TLCD3B: variants seen among roughly 807,000 people sequenced by gnomAD.
The protein encoded by TLCD3B is TLC domain containing 3B.
A neutral mutation model predicts 23.0 loss-of-function variants in TLCD3B; 9 were observed. The observed-to-expected ratio is 0.39, with a 90% CI of 0.24 to 0.68. The LOEUF is 0.68. TLCD3B is among the 30% of genes least tolerant of loss of function. The pLI, the probability that TLCD3B is intolerant of heterozygous loss-of-function variation, is 0.44. For missense variants in TLCD3B, 307 were observed against 371.8 expected (o/e 0.83, Z 1.43); for synonymous variants, 161 against 161.0 (o/e 1.00, Z 0.00).
chr16:30,049,649 C>A (rs2071721789), intron 1 of TLCD3B, among the ~76,000 whole-genome samples: 1 of 152,128 alleles, frequency 6.6e-6, no homozygotes, highest in Non-Finnish European at 1.5e-5. Flanking sequence ...TCGGCACAGC[C>A]AGGCGCAGTA....
chr16:30,025,531 C>G lies in TLCD3B; in HGVS notation c.541-64G>C. ...GGCTCGGCCCCCCTTGGCCCTCTCCCTGCCTCCCTGCGACCCTAGCAGGCA... is the reference window on the plus strand; with the variant it reads ...GGCTCGGCCCCCCTTGGCCCTCTCCGTGCCTCCCTGCGACCCTAGCAGGCA... On this transcript the variant is annotated intron_variant, in intron 4 of 4. Transcript: ENST00000380495. The surrounding 1 kb of genome is among the most constrained non-coding windows in gnomAD (Gnocchi z 4.1). 1 of 1,591,732 alleles carries G rather than the reference C, an allele frequency of 6.3e-7. No homozygotes were observed. The highest frequency in any genetic ancestry group is 8.6e-7 in the Non-Finnish European group (1 of 1,165,822).
chr16:30,049,681 C>T (rs1426229770), intron 1 of TLCD3B, among the ~76,000 whole-genome samples: 1 of 152,138 alleles, frequency 6.6e-6, no homozygotes, highest in Non-Finnish European at 1.5e-5. Flanking sequence ...TAACCCAGCA[C>T]TTTGGGAGGC....
At position 30,029,934 on chromosome 16, in the gene TLCD3B, C is replaced by T. The variant is rs528344038; in HGVS notation, c.126-419G>A. The T allele has an allele frequency of 4.4e-5, 42 of 959,160 alleles. No individual in the cohort carries two copies. Among genetic ancestry groups the T allele is most frequent in the South Asian group, 4.1e-4 (30 of 72,338 alleles). 59.4% of individuals were successfully genotyped at this position (959,160 alleles called of 1,614,324 possible). On this transcript the variant is annotated intron_variant, in intron 1 of 4. Coordinates refer to ENST00000380495, the MANE Select transcript of TLCD3B (RefSeq NM_031478.6). The surrounding 1 kb of genome is among the most constrained non-coding windows in gnomAD (Gnocchi z 4.6). ...CCTCACTCTGGACCCTTTGTGACCCCGAGTTCCCCAGTCACTTTCCCACTG... is the reference window on the plus strand; with the variant it reads ...CCTCACTCTGGACCCTTTGTGACCCTGAGTTCCCCAGTCACTTTCCCACTG...
At chr16:30,027,809 G>C (rs968969871) in intron 2 of TLCD3B, 4 of 376,726 alleles carry the variant, frequency 1.1e-5, no homozygotes, top group Non-Finnish European at 2.1e-5. Context: ...AGAGAGGCAG[G>C]ACCTGGGGTG....
intron 2 of TLCD3B, among the ~76,000 whole-genome samples, chr16:30,041,818 C>T (rs576826594): frequency 1.3e-4 from 20 of 151,902 alleles, no homozygotes; most frequent in Non-Finnish European, 2.5e-4. Context: ...TGCACCCACA[C>T]GTTGAATGGA....
chr16:30,043,322 C>T (rs1192017223), intron 2 of TLCD3B, among the ~76,000 whole-genome samples: 3 of 152,098 alleles, frequency 2.0e-5, no homozygotes, highest in Non-Finnish European at 4.4e-5. Context: ...TTCCTGTGCT[C>T]AGGGGATCCT....
rs1018184417 is a variant in TLCD3B, at chr16:30,039,103, C to CTTTTTTTTTTTTTTT, written c.-67+1877_-67+1891dup. Among the ~76,000 whole-genome samples, 7 of 99,614 alleles carry CTTTTTTTTTTTTTTT rather than the reference C, an allele frequency of 7.0e-5. 2 individuals carry two copies. The highest frequency in any genetic ancestry group is 1.2e-4 in the African/African-American group (3 of 24,232). The allele number at this position is 99,614 out of a possible 152,430, so 65.4% of individuals were successfully genotyped here. On this transcript the variant is annotated intron_variant, in intron 3 of 6. Transcript: ENST00000561666. The stretch of plus-strand genomic sequence containing the variant: ...TTATCCTTCTCCTCCTCCTTCCTCT[C>CTTTTTTTTTTTTTTT]TTTTTTTTTTTTTTTTTTTTTTTTT...
At position 30,038,210 on chromosome 16, in the gene TLCD3B, G is replaced by A. The variant is rs1013738776; in HGVS notation, c.-66-1996C>T. On this transcript the variant is annotated intron_variant, in intron 3 of 6. Transcript: ENST00000561666. Reference sequence around the variant, plus strand: ...TGGGCCTCAATTTCTTCATCTGTGAGGTTGGGTTAATAATTAGTGTCACAT... The same window carrying A: ...TGGGCCTCAATTTCTTCATCTGTGAAGTTGGGTTAATAATTAGTGTCACAT... Among the ~76,000 whole-genome samples the A allele has an allele frequency of 2.0e-5, 3 of 152,142 alleles. No individual in the cohort carries two copies. The East Asian group carries it at 5.8e-4, about 29-fold the overall frequency.
Position 30,030,488 on chromosome 16 carries a change from C to T in TLCD3B, c.40G>A (p.Gly14Arg), listed in dbSNP as rs1567301791. 2 of 1,602,942 alleles carry T rather than the reference C, an allele frequency of 1.2e-6. No homozygotes were observed. The highest frequency in any genetic ancestry group is 2.3e-5 in the East Asian group (1 of 44,438). Residue 14 changes from glycine to arginine, a missense_variant, in exon 1 of 5, where the codon GGA becomes AGA. Coordinates refer to ENST00000380495, the MANE Select transcript of TLCD3B (RefSeq NM_031478.6). ...PMVAGGVVFP[G>R]LFLLSKNTLQ... Reference sequence around the variant, plus strand: ...GTGTTCTTGGAGAGGAGGAAGAGTCCGGGGAACACCACCCCCCCGGCCACC... The same window carrying T: ...GTGTTCTTGGAGAGGAGGAAGAGTCTGGGGAACACCACCCCCCCGGCCACC...
intron 2 of TLCD3B, among the ~76,000 whole-genome samples, chr16:30,045,708 TTGTG>T (rs1190471683): frequency 7.0e-6 from 1 of 143,038 alleles, no homozygotes; most frequent in Non-Finnish European, 1.5e-5. Context: ...TGTGTGTGTG[TTGTG>T]TGTGTTTGTG....
intron 2 of TLCD3B, among the ~76,000 whole-genome samples, chr16:30,045,092 CAAAAAAAAAAAAA>C (rs1162281544): frequency 2.7e-4 from 6 of 22,226 alleles, no homozygotes; most frequent in Non-Finnish European, 3.7e-4. Context: ...GACTCCATCT[CAAAAAAAAAAAAA>C]AAAAAAAAAA....
rs1294335614 is a variant in TLCD3B, at chr16:30,029,193, G to A, written c.209+239C>T. Among the ~76,000 whole-genome samples the A allele has an allele frequency of 1.3e-5, 2 of 152,170 alleles. No individual in the cohort carries two copies. The highest frequency in any genetic ancestry group is 4.8e-5 in the African/African-American group (2 of 41,434). ...GAGACCTGGAAGCCGACTAGAAAGC[G>A]CTTTGAGGATCCTCTCTGATCCCCG... is the stretch of plus-strand genomic sequence containing the variant. On this transcript the variant is annotated intron_variant, in intron 2 of 4. Coordinates refer to ENST00000380495, the MANE Select transcript of TLCD3B (RefSeq NM_031478.6). This position sits in a 1 kb window ranked among gnomAD's most constrained non-coding sequence, Gnocchi z 4.6.
intron 3 of TLCD3B, among the ~76,000 whole-genome samples, chr16:30,038,319 G>A (rs2071511180): frequency 6.6e-6 from 1 of 152,096 alleles, no homozygotes. Flanking sequence ...AAGTGTGGTG[G>A]TGCACACCTG....
Position 30,025,387 on chromosome 16 carries a change from G to C in TLCD3B, c.621C>G (p.Leu207=), listed in dbSNP as rs375702968. ...LLSFLCCRVL[L]FPYLYWAYGR... Reference sequence around the variant, plus strand: ...CGTAGGCCCAGTACAGGTAGGGAAAGAGCAGCACCCGGCAGCAGAGGAAGC... The same window carrying C: ...CGTAGGCCCAGTACAGGTAGGGAAACAGCAGCACCCGGCAGCAGAGGAAGC... Residue 207 remains leucine, a synonymous_variant, in exon 5 of 5, where the codon CTC becomes CTG. Transcript: ENST00000380495. The surrounding 1 kb of genome is among the most constrained non-coding windows in gnomAD (Gnocchi z 4.1). The C allele has an allele frequency of 8.7e-6, 14 of 1,610,442 alleles. No individual in the cohort carries two copies. The highest frequency in any genetic ancestry group is 1.1e-5 in the Non-Finnish European group (13 of 1,178,670).
At chr16:30,040,147 A>AAAATATATATAT in intron 3 of TLCD3B, among the ~76,000 whole-genome samples, 48 of 95,904 alleles carry the variant, frequency 5.0e-4, no homozygotes, top group South Asian at 2.4e-3. Context: ...AAAAAAAAAA[A>AAAATATATATAT]ATATATATAT....
Position 30,024,997 on chromosome 16 carries a change from G to C in TLCD3B, c.*186C>G. On this transcript the variant is annotated 3_prime_UTR_variant, in exon 5 of 5. Coordinates refer to ENST00000380495, the MANE Select transcript of TLCD3B (RefSeq NM_031478.6). The stretch of plus-strand genomic sequence containing the variant: ...GTGTGCAGGAAGGGGGCAGAGTAGG[G>C]GGAAGAGGTCCCCTCTCTCCACCCC... The C allele has an allele frequency of 1.9e-6, 1 of 533,544 alleles. No homozygotes were observed. Among genetic ancestry groups the C allele is most frequent in the Non-Finnish European group, 3.2e-6 (1 of 307,744 alleles). The allele number at this position is 533,544 out of a possible 1,614,324, so 33.1% of individuals were successfully genotyped here.
intron 3 of TLCD3B, among the ~76,000 whole-genome samples, chr16:30,026,363 C>T (rs752502150): frequency 7.9e-5 from 12 of 152,158 alleles, no homozygotes; most frequent in Admixed American, 5.2e-4. Flanking sequence ...GGCTCAGAGA[C>T]GTGCAACCAC....
Position 30,029,370 on chromosome 16 carries a change from C to G in TLCD3B, c.209+62G>C, listed in dbSNP as rs549182492. The G allele has an allele frequency of 4.8e-6, 7 of 1,469,604 alleles. No homozygotes were observed. The East Asian group carries it at 1.6e-4, about 34-fold the overall frequency. The allele number at this position is 1,469,604 out of a possible 1,614,324, so 91.0% of individuals were successfully genotyped here. A position where few individuals can be genotyped will look rare whatever the true frequency, so the allele number is the denominator to read the frequency against. ...GTTCCCTCCAAGATGTGGGGTCTTC[C>G]GGGATTACCCGTACACGCCAACCAC... is the stretch of plus-strand genomic sequence containing the variant. On this transcript the variant is annotated intron_variant, in intron 2 of 4. Coordinates refer to ENST00000380495, the MANE Select transcript of TLCD3B (RefSeq NM_031478.6). The surrounding 1 kb of genome is among the most constrained non-coding windows in gnomAD (Gnocchi z 4.6).
Position 30,029,300 on chromosome 16 carries a change from T to TA in TLCD3B, c.209+131dup, listed in dbSNP as rs2071279310. 2 of 743,676 alleles carry TA rather than the reference T, an allele frequency of 2.7e-6. No individual in the cohort carries two copies. The highest frequency in any genetic ancestry group is 3.5e-5 in the African/African-American group (2 of 57,704). The allele number at this position is 743,676 out of a possible 1,614,324, so 46.1% of individuals were successfully genotyped here. A position where few individuals can be genotyped will look rare whatever the true frequency, so the allele number is the denominator to read the frequency against. On this transcript the variant is annotated intron_variant, in intron 2 of 4. Transcript: ENST00000380495. This position sits in a 1 kb window ranked among gnomAD's most constrained non-coding sequence, Gnocchi z 4.6. ...GGTGTTGAGTTGCGGTTATTGCAGT[T>TA]AACTTGCTCAGGCCCAAGTTAAGGG...
Sources: allele counts gnomAD v4.1 joint callset (sites outside exome capture counted in the v4.1 genomes callset), GRCh38; gene constraint gnomAD v4.1.1; non-coding constraint Gnocchi (gnomAD v3.1); transcripts MANE v1.5; gene names NCBI Gene and HGNC (gene_info 2026-07-23, HGNC 2026-07-21).